Variants in NCOR2 observed in about 807,000 individuals in gnomAD.
The protein encoded by NCOR2 is CTG repeat protein 26.
Under a neutral mutation model 262.9 loss-of-function variants are expected in NCOR2, and 81 were observed. That is an observed-to-expected ratio of 0.31 (90% CI 0.26 to 0.37). The LOEUF is 0.37. Among genes scored for constraint, NCOR2 ranks in the 10% least tolerant of loss-of-function variants. NCOR2 has a pLI of 1.00. For missense variants in NCOR2, 3,385 were observed against 3,621.4 expected (o/e 0.93, Z 1.68); for synonymous variants, 1,659 against 1,559.3 (o/e 1.06, Z -1.51).
chr12:124,379,564 C>A (rs1489212141), intron 17 of NCOR2, among the ~76,000 whole-genome samples: 1 of 152,186 alleles, frequency 6.6e-6, no homozygotes, highest in Non-Finnish European at 1.5e-5. Context: ...CCCACCACAG[C>A]CTGGTGTGAC....
chr12:124,413,756 G>A (rs1327086276), intron 13 of NCOR2, among the ~76,000 whole-genome samples: 2 of 152,140 alleles, frequency 1.3e-5, no homozygotes, highest in African/African-American at 2.4e-5. Flanking sequence ...GGAGAGACAA[G>A]GCGGGAGAGA....
At chr12:124,338,364 C>T (rs1441862219) in intron 37 of NCOR2, among the ~76,000 whole-genome samples, 3 of 151,924 alleles carry the variant, frequency 2.0e-5, no homozygotes, top group Non-Finnish European at 1.5e-5. Context: ...AAAAATTAGC[C>T]GGGTGTGGTT....
chr12:124,458,063 G>C (rs866807941), intron 5 of NCOR2, among the ~76,000 whole-genome samples: 2 of 152,242 alleles, frequency 1.3e-5, no homozygotes, highest in African/African-American at 4.8e-5. Context: ...GTGTTCACAG[G>C]CTGGCACGCG....
At chr12:124,358,718 C>G (rs569931665) in intron 22 of NCOR2, among the ~76,000 whole-genome samples, 1 of 152,234 alleles carries the variant, frequency 6.6e-6, no homozygotes. Flanking sequence ...AGCGGTTGTG[C>G]GCTGGCTGGC....
chr12:124,536,704 C>T (rs758428505), upstream of NCOR2, among the ~76,000 whole-genome samples: 1 of 152,156 alleles, frequency 6.6e-6, no homozygotes, highest in Non-Finnish European at 1.5e-5. Context: ...CCGTTGCCGA[C>T]GGGATGCAAA....
At chr12:124,495,263 T>C (rs1343874304), upstream of NCOR2, 3 of 1,608,342 alleles carry the variant, frequency 1.9e-6, no homozygotes, top group Admixed American at 1.7e-5. This position sits in a 1 kb window ranked among gnomAD's most constrained non-coding sequence, Gnocchi z 4.4. Flanking sequence ...GTGGTGGGGG[T>C]CGGCGGGGAG....
In NCOR2 at chr12:124,509,245, G is replaced by GGGGGGC. The variant is rs1555234155; in HGVS notation, c.-117-13878_-117-13877insGCCCCC. Among the ~76,000 whole-genome samples the GGGGGGC allele has an allele frequency of 3.0e-4, 43 of 144,558 alleles. 3 individuals carry two copies. Among genetic ancestry groups the GGGGGGC allele is most frequent in the African/African-American group, 1.0e-3 (35 of 34,470 alleles). 94.8% of individuals were successfully genotyped at this position (144,558 alleles called of 152,430 possible). ...TGGCACTGGCTTTGGTGGGGGGGGG[G>GGGGGGC]GGGGCTTAACTCTGAACTCTCAAGC... On this transcript the variant is annotated intron_variant, in intron 1 of 46. Coordinates refer to the NCOR2 transcript ENST00000404621.
intron 13 of NCOR2, among the ~76,000 whole-genome samples, chr12:124,410,993 A>T (rs2042548875): frequency 1.6e-5 from 2 of 126,516 alleles, no homozygotes; most frequent in South Asian, 3.0e-4. Context: ...GACCTGGAGG[A>T]GGAAGGGTGA....
Position 124,523,230 on chromosome 12 carries a change from T to G in NCOR2, c.-118+12335A>C, listed in dbSNP as rs1333877725. 6.6e-6 allele frequency among the ~76,000 whole-genome samples: 1 copy of G among 151,844 alleles called. No individual in the cohort carries two copies. The highest frequency in any genetic ancestry group is 1.9e-4 in the East Asian group (1 of 5,168). ...AGCTGTGAGCTGGCAGCTGGCAGAG[T>G]TAATTGCTCACTCAAGACTCACTTC... On this transcript the variant is annotated intron_variant, in intron 1 of 46. Coordinates refer to the NCOR2 transcript ENST00000404621. This position sits in a 1 kb window ranked among gnomAD's most constrained non-coding sequence, Gnocchi z 4.0.
At chr12:124,410,688 C>T (rs186867549) in intron 13 of NCOR2, among the ~76,000 whole-genome samples, 8 of 152,294 alleles carry the variant, frequency 5.3e-5, no homozygotes, top group East Asian at 1.9e-4. Context: ...GCCCTGCCAC[C>T]GGTCCCCACC....
Position 124,340,478 on chromosome 12 carries a change from G to A in NCOR2, c.5339-35C>T, listed in dbSNP as rs746880524. On this transcript the variant is annotated intron_variant, in intron 35 of 46. Transcript: ENST00000405201. ...CCAAAGGCCAGAGACTCAGCCCCAG[G>A]GCCGAAGAAGAGCCTGGCTTTGTCT... 10 of 1,600,274 alleles carry A rather than the reference G, an allele frequency of 6.2e-6. No homozygotes were observed. In the East Asian group the frequency reaches 2.0e-4, roughly 32 times the overall value.
chr12:124,430,090 G>A (rs777370900), intron 9 of NCOR2, among the ~76,000 whole-genome samples: 5 of 152,224 alleles, frequency 3.3e-5, no homozygotes, highest in Non-Finnish European at 7.3e-5. Flanking sequence ...AGCTGTTGTG[G>A]GGAACTTAAT....
chr12:124,495,368 C>G, upstream of NCOR2: 1 of 1,442,136 alleles, frequency 6.9e-7, no homozygotes. The surrounding 1 kb of genome is among the most constrained non-coding windows in gnomAD (Gnocchi z 4.4). Context: ...GTCACTGGCA[C>G]CTGCGGGAAA....
intron 14 of NCOR2, among the ~76,000 whole-genome samples, chr12:124,401,917 C>T (rs1187211791): frequency 3.9e-5 from 6 of 152,174 alleles, no homozygotes; most frequent in Non-Finnish European, 7.4e-5. Context: ...GAGGCTGTCA[C>T]GGCCCCCGCG....
At chr12:124,428,514 T>C (rs1284602634) in intron 10 of NCOR2, among the ~76,000 whole-genome samples, 3 of 152,220 alleles carry the variant, frequency 2.0e-5, no homozygotes, top group Non-Finnish European at 4.4e-5. Flanking sequence ...GAGAAACTGC[T>C]ACTTAAACCA....
intron 1 of NCOR2, 44 bp from the exon 4 acceptor site, chr12:124,486,612 G>A (rs766846082): frequency 4.6e-5 from 71 of 1,530,408 alleles, no homozygotes; most frequent in Non-Finnish European, 6.0e-5. Context: ...GCGGGCACGG[G>A]CATGGCGGGG....
chr12:124,461,446 T>C (rs143222536), intron 5 of NCOR2, among the ~76,000 whole-genome samples: 50 of 152,364 alleles, frequency 3.3e-4, no homozygotes, highest in African/African-American at 1.0e-3. Flanking sequence ...GCAGAGACTC[T>C]GGGTCTGCGT....
intron 9 of NCOR2, 79 bp downstream of exon 11, chr12:124,430,536 G>A: frequency 6.6e-7 from 1 of 1,508,084 alleles, no homozygotes; most frequent in Non-Finnish European, 8.9e-7. Flanking sequence ...TTCCTTCCTG[G>A]CCAGGCCATC....
At chr12:124,469,226 G>A (rs938674945) in intron 4 of NCOR2, among the ~76,000 whole-genome samples, 2 of 152,006 alleles carry the variant, frequency 1.3e-5, no homozygotes, top group African/African-American at 2.4e-5. Flanking sequence ...TATGACGCTC[G>A]CACAGCCTGC....
Sources: allele counts gnomAD v4.1 joint callset (sites outside exome capture counted in the v4.1 genomes callset), GRCh38; gene constraint gnomAD v4.1.1; non-coding constraint Gnocchi (gnomAD v3.1); transcripts MANE v1.5; gene names NCBI Gene and HGNC (gene_info 2026-07-23, HGNC 2026-07-21).